Variants in ETS1 observed in about 807,000 individuals in gnomAD.
ETS1 encodes ETS proto-oncogene 1, transcription factor, also known as protein C-ets-1.
Under a neutral mutation model 58.6 loss-of-function variants are expected in ETS1, and 15 were observed. That is an observed-to-expected ratio of 0.26 (90% CI 0.17 to 0.39). ETS1 has a LOEUF of 0.39. Among genes scored for constraint, ETS1 ranks in the 10% least tolerant of loss-of-function variants. The probability of loss-of-function intolerance (pLI) is 1.00; values close to 1 mark genes in which losing one functional copy is unlikely to be tolerated. For missense variants in ETS1, 417 were observed against 610.5 expected, an observed-to-expected ratio of 0.68 and a Z score of 3.34; for synonymous variants, 214 against 218.2, an observed-to-expected ratio of 0.98 and a Z score of 0.17.
chr11:128,580,333 T>C (rs937555732), intron 1 of ETS1, among the ~76,000 whole-genome samples: 24 of 152,264 alleles, frequency 1.6e-4, no homozygotes, highest in Non-Finnish European at 2.6e-4. Context: ...ACTCCTTCAG[T>C]GTGTTCTTTC....
At chr11:128,585,081 A>G (rs1565421391) in intron 1 of ETS1, among the ~76,000 whole-genome samples, 1,167 of 36,004 alleles carry the variant, frequency 0.032, 233 homozygotes, top group African/African-American at 0.054. Flanking sequence ...AGAAAGAGAA[A>G]GAAAGAAAGG....
intron 3 of ETS1, among the ~76,000 whole-genome samples, chr11:128,548,112 G>A (rs12293456): frequency 8.2e-5 from 8 of 97,780 alleles, no homozygotes; most frequent in East Asian, 3.7e-4. Flanking sequence ...AAAGGAAAGG[G>A]AAGGAAAGGA....
chr11:128,565,308 T>A (rs1246875669), intron 2 of ETS1, among the ~76,000 whole-genome samples: 2 of 152,074 alleles, frequency 1.3e-5, no homozygotes, highest in Admixed American at 6.6e-5. Flanking sequence ...GCAGGAAGGG[T>A]CCATCTTGGA....
At chr11:128,501,363 A>C (rs545134527) in intron 3 of ETS1, among the ~76,000 whole-genome samples, 2 of 152,168 alleles carry the variant, frequency 1.3e-5, no homozygotes, top group Non-Finnish European at 2.9e-5. Context: ...TACAAAAGCC[A>C]CTCAAAGGAC....
At chr11:128,500,462 T>C (rs1443461962) in intron 3 of ETS1, among the ~76,000 whole-genome samples, 1 of 152,060 alleles carries the variant, frequency 6.6e-6, no homozygotes, top group African/African-American at 2.4e-5. Flanking sequence ...AAAAGTCTTG[T>C]TTGAGATGAA....
intron 3 of ETS1, among the ~76,000 whole-genome samples, chr11:128,511,866 G>T (rs1052335867): frequency 6.6e-6 from 1 of 152,228 alleles, no homozygotes; most frequent in Non-Finnish European, 1.5e-5. Context: ...GGAACCTTGG[G>T]AGGGTAACTT....
At position 128,573,160 on chromosome 11, in the gene ETS1, C is replaced by G; in HGVS notation, c.-14-16G>C. ...CTCTCAGCACCTGTGTGAGAGAAGG[C>G]GTTGGCTGAGCCTCTGGATGCTCAC... On this transcript the variant is annotated splice_polypyrimidine_tract_variant and intron_variant, in intron 1 of 9. Transcript: ENST00000392668. 6.5e-7 allele frequency: 1 copy of G among 1,541,624 alleles called. No individual in the cohort carries two copies.
Position 128,460,334 on chromosome 11 carries a change from C to A in ETS1, c.*2027G>T, listed in dbSNP as rs1050562462. On this transcript the variant is annotated 3_prime_UTR_variant, in exon 10 of 10. Coordinates refer to ENST00000392668, the MANE Select transcript of ETS1 (RefSeq NM_001143820.2). ...TGCCTTTGCTTTCCATATGGATGCT[C>A]CAATTCATCAGTATGGGGACACTCA... 1 of 152,712 alleles carries A rather than the reference C, an allele frequency of 6.5e-6. No homozygotes were observed. The highest frequency in any genetic ancestry group is 2.4e-5 in the African/African-American group (1 of 41,396). 9.5% of individuals were successfully genotyped at this position (152,712 alleles called of 1,614,324 possible). A position where few individuals can be genotyped will look rare whatever the true frequency, so the allele number is the denominator to read the frequency against.
At chr11:128,542,884 T>C (rs1284576234) in intron 3 of ETS1, among the ~76,000 whole-genome samples, 1 of 152,108 alleles carries the variant, frequency 6.6e-6, no homozygotes, top group Non-Finnish European at 1.5e-5. Context: ...TTTATAAATT[T>C]TCTTTAGGCC....
At chr11:128,515,722 A>G (rs1032351834) in intron 3 of ETS1, among the ~76,000 whole-genome samples, 10 of 152,148 alleles carry the variant, frequency 6.6e-5, no homozygotes, top group African/African-American at 2.2e-4. Context: ...ACGATTTTCT[A>G]TCTCTACACC....
rs752669143 is a variant in ETS1 at position 128,518,669 on chromosome 11, G to A, written c.215-28093C>T. ...TAGTCTCTAATGGAGTATGGTCGGC[G>A]GGGATCTGGGAGCACAGTGAGCAAG... On this transcript the variant is annotated intron_variant, in intron 3 of 9. Coordinates refer to ENST00000392668, the MANE Select transcript of ETS1 (RefSeq NM_001143820.2). 5.9e-5 allele frequency among the ~76,000 whole-genome samples: 9 copies of A among 152,270 alleles called. No individual in the cohort carries two copies. The East Asian group carries it at 9.6e-4, about 16-fold the overall frequency.
chr11:128,503,368 A>G (rs1320192167), intron 3 of ETS1, among the ~76,000 whole-genome samples: 2 of 152,196 alleles, frequency 1.3e-5, no homozygotes, highest in Non-Finnish European at 2.9e-5. Flanking sequence ...GGGATGCATC[A>G]CGTTCCTTCC....
intron 7 of ETS1, among the ~76,000 whole-genome samples, chr11:128,481,028 T>C (rs1862471541): frequency 6.6e-6 from 1 of 152,220 alleles, no homozygotes; most frequent in African/African-American, 2.4e-5. Context: ...CCAAATACTA[T>C]TTTAATATGA....
At chr11:128,551,340 A>C (rs1864226199) in intron 3 of ETS1, among the ~76,000 whole-genome samples, 1 of 152,188 alleles carries the variant, frequency 6.6e-6, no homozygotes, top group South Asian at 2.1e-4. Context: ...CTTTCCAAAC[A>C]CTGGCCCAGG....
At chr11:128,518,688 G>C (rs1364850115) in intron 3 of ETS1, among the ~76,000 whole-genome samples, 1 of 152,208 alleles carries the variant, frequency 6.6e-6, no homozygotes, top group Admixed American at 6.5e-5. Context: ...GGAGCACAGT[G>C]AGCAAGTGAT....
intron 2 of ETS1, among the ~76,000 whole-genome samples, chr11:128,568,864 A>T (rs1864562421): frequency 6.6e-6 from 1 of 152,192 alleles, no homozygotes; most frequent in Non-Finnish European, 1.5e-5. Flanking sequence ...TTTCGAAGAG[A>T]TTGTTTCTTG....
At chr11:128,579,203 T>C (rs746238292) in intron 1 of ETS1, among the ~76,000 whole-genome samples, 42 of 152,194 alleles carry the variant, frequency 2.8e-4, no homozygotes, top group Non-Finnish European at 5.7e-4. Flanking sequence ...GCAGAAAATG[T>C]AGATTTCTCC....
chr11:128,477,104 G>T (rs560216125), intron 8 of ETS1, among the ~76,000 whole-genome samples: 1 of 152,218 alleles, frequency 6.6e-6, no homozygotes, highest in African/African-American at 2.4e-5. Context: ...TCCTTTGGAC[G>T]TGATAGGGAC....
chr11:128,467,315 G>C (rs933096789), intron 8 of ETS1, among the ~76,000 whole-genome samples: 4 of 152,152 alleles, frequency 2.6e-5, no homozygotes, highest in African/African-American at 4.8e-5. Context: ...AGGCACACTG[G>C]CTACACAGAT....
Sources: allele counts gnomAD v4.1 joint callset (sites outside exome capture counted in the v4.1 genomes callset), GRCh38; gene constraint gnomAD v4.1.1; transcripts MANE v1.5; gene names NCBI Gene and HGNC (gene_info 2026-07-23, HGNC 2026-07-21).